Variants in WDR44 observed in about 807,000 individuals in gnomAD.
The protein encoded by WDR44 is WD repeat-containing protein 44.
Under a neutral mutation model 65.7 loss-of-function variants are expected in WDR44, and 9 were observed. That is an observed-to-expected ratio of 0.14 (90% CI 0.08 to 0.24). The LOEUF is 0.24. Among genes scored for constraint, WDR44 ranks in the 10% least tolerant of loss-of-function variants. The pLI, the probability that WDR44 is intolerant of heterozygous loss-of-function variation, is 1.00. For missense variants in WDR44, 425 were observed against 670.9 expected (o/e 0.63, Z 4.05); for synonymous variants, 220 against 235.2 (o/e 0.94, Z 0.59).
At chrX:118,398,269 A>G (rs2056882678) in intron 7 of WDR44, 118 bp from the exon 8 acceptor site, 2 of 459,274 alleles carry the variant, frequency 4.4e-6, no homozygotes. Flanking sequence ...AAAATTATGT[A>G]AAGCTTATTA....
intron 14 of WDR44, among the ~76,000 whole-genome samples, chrX:118,440,926 G>T: frequency 1.1e-5 from 1 of 88,911 alleles, no homozygotes; most frequent in Non-Finnish European, 2.2e-5. Context: ...CTTGCTTAAA[G>T]AATAAAAATT....
At chrX:118,393,295 T>C (rs756465399) in intron 4 of WDR44, 24 bp downstream of exon 4, 1 of 1,166,003 alleles carries the variant, frequency 8.6e-7, no homozygotes, top group Non-Finnish European at 1.1e-6. Context: ...GAGAAATCAC[T>C]CTGTTGGTTG....
chrX:118,408,396 C>CT (rs59082617), intron 10 of WDR44, among the ~76,000 whole-genome samples: 59 of 100,718 alleles, frequency 5.9e-4, no homozygotes, highest in Non-Finnish European at 6.8e-4. Flanking sequence ...ATACAACTAC[C>CT]TTTTTTTTTT....
chrX:118,350,897 GA>G (rs1330773243), intron 1 of WDR44, among the ~76,000 whole-genome samples: 4 of 111,489 alleles, frequency 3.6e-5, no homozygotes, highest in African/African-American at 1.3e-4. Flanking sequence ...TAGGGTCTGA[GA>G]GGGGAAGTGA....
At chrX:118,423,175 G>GTT in intron 12 of WDR44, among the ~76,000 whole-genome samples, 1 of 106,206 alleles carries the variant, frequency 9.4e-6, no homozygotes, top group Admixed American at 1.0e-4. Context: ...ATATAAAGTT[G>GTT]TTTTTTTTTT....
Position 118,357,760 on chromosome X carries a change from T to C in WDR44, c.77+11180T>C, listed in dbSNP as rs2056474042. On this transcript the variant is annotated intron_variant, in intron 1 of 19. Coordinates refer to ENST00000254029, the MANE Select transcript of WDR44 (RefSeq NM_019045.5). ...TTAACCAGGCATGGTGGTACTTGCC[T>C]GTAGTCCCAGCTAGGTGGGCGTAGA... Among the ~76,000 whole-genome samples, 3 of 110,431 alleles carry C rather than the reference T, an allele frequency of 2.7e-5. 1 individual carries two copies. The South Asian group carries it at 1.2e-3, about 43-fold the overall frequency.
At chrX:118,428,642 G>A (rs2057180173) in intron 12 of WDR44, among the ~76,000 whole-genome samples, 1 of 111,702 alleles carries the variant, frequency 9.0e-6, no homozygotes, top group South Asian at 3.8e-4. Context: ...AAGACAGTGT[G>A]GCAATTCCTC....
Position 118,392,988 on chromosome X carries a change from G to A in WDR44, c.543G>A (p.Val181=). 8.3e-7 allele frequency: 1 copy of A among 1,212,036 alleles called. No homozygotes were observed. Among genetic ancestry groups the A allele is most frequent in the Non-Finnish European group, 1.1e-6 (1 of 895,585 alleles). ...CAGAAGTATTGAACAAGGAAGCAGT[G>A]GAAGTCAAAGGAGGTGGTGATGTTT... ...TETEVLNKEA[V]EVKGGGDVLE... The change falls in exon 4 of 20, where the codon GTG becomes GTA. Residue 181 remains valine, a synonymous_variant. Coordinates refer to ENST00000254029, the MANE Select transcript of WDR44 (RefSeq NM_019045.5).
intron 8 of WDR44, among the ~76,000 whole-genome samples, chrX:118,400,762 G>A (rs1384142600): frequency 1.9e-5 from 2 of 106,429 alleles, no homozygotes; most frequent in Non-Finnish European, 3.9e-5. Context: ...CTGGTGCGCT[G>A]CACCCACTAA....
chrX:118,442,625 T>G lies in WDR44; in HGVS notation c.2329T>G (p.Ser777Ala). The change falls in exon 17 of 20, where the codon TCC (serine) becomes GCC (alanine). Residue 777 changes from serine to alanine, a missense_variant. Physicochemically the swap from Ser to Ala is moderately conservative, Grantham distance 99. Transcript: ENST00000254029. ...RLYDLRDLSL[S>A]MKYKGYVNSS... ...ATATGATTTGAGAGATTTGTCACTA[T>G]CCATGAAGTATAAGGGTTACGTCAA... 2.5e-6 allele frequency: 3 copies of G among 1,211,519 alleles called. No homozygotes were observed. The highest frequency in any genetic ancestry group is 3.4e-6 in the Non-Finnish European group (3 of 895,423).
chrX:118,418,544 G>T (rs923112673), intron 12 of WDR44, among the ~76,000 whole-genome samples: 1 of 111,510 alleles, frequency 9.0e-6, no homozygotes, highest in Non-Finnish European at 1.9e-5. Context: ...CCGTCTATGG[G>T]TCTCTCAGCC....
At chrX:118,422,702 A>T (rs1242710205) in intron 12 of WDR44, among the ~76,000 whole-genome samples, 1 of 111,362 alleles carries the variant, frequency 9.0e-6, no homozygotes, top group Non-Finnish European at 1.9e-5. Context: ...AAAAAAAAAA[A>T]AAGAAAAATT....
intron 1 of WDR44, among the ~76,000 whole-genome samples, chrX:118,351,795 C>T (rs1168418126): frequency 9.1e-6 from 1 of 110,094 alleles, no homozygotes; most frequent in Non-Finnish European, 1.9e-5. Context: ...ACTAAAAATA[C>T]AAAAATTAGC....
chrX:118,377,196 A>G (rs1012543391), intron 1 of WDR44, among the ~76,000 whole-genome samples: 4 of 110,022 alleles, frequency 3.6e-5, no homozygotes, highest in African/African-American at 9.9e-5. Flanking sequence ...TGTCTCTACA[A>G]AAAAATACAA....
intron 12 of WDR44, among the ~76,000 whole-genome samples, chrX:118,419,162 A>G (rs1413670436): frequency 1.8e-5 from 2 of 111,495 alleles, no homozygotes; most frequent in African/African-American, 6.5e-5. Context: ...TGGAGTCTGC[A>G]CACCGGATTC....
At chrX:118,366,423 T>C (rs770176222) in intron 1 of WDR44, among the ~76,000 whole-genome samples, 126 of 111,668 alleles carry the variant, frequency 1.1e-3, no homozygotes, top group African/African-American at 3.7e-3. Flanking sequence ...TAAAAAAATA[T>C]TTCTTCTGAC....
At chrX:118,406,611 A>G (rs1240168935) in intron 9 of WDR44, among the ~76,000 whole-genome samples, 1 of 111,220 alleles carries the variant, frequency 9.0e-6, no homozygotes, top group East Asian at 2.8e-4. Flanking sequence ...AAGTACCATC[A>G]TTATCCCCAT....
chrX:118,384,796 C>A (rs895341831), intron 2 of WDR44, among the ~76,000 whole-genome samples: 3 of 111,856 alleles, frequency 2.7e-5, no homozygotes, highest in Admixed American at 9.5e-5. Flanking sequence ...GATATTGATT[C>A]TTCCTATCCA....
chrX:118,410,103 A>G (rs1262945836), intron 11 of WDR44, among the ~76,000 whole-genome samples: 1 of 112,371 alleles, frequency 8.9e-6, no homozygotes, highest in South Asian at 3.6e-4. Flanking sequence ...CTATGTACAG[A>G]TATTTATGTA....
Sources: allele counts gnomAD v4.1 joint callset (sites outside exome capture counted in the v4.1 genomes callset), GRCh38; gene constraint gnomAD v4.1.1; transcripts MANE v1.5; gene names NCBI Gene and HGNC (gene_info 2026-07-23, HGNC 2026-07-21).